RXRG: variants seen among roughly 807,000 people sequenced by gnomAD.
RXRG encodes retinoid X receptor gamma.
Under a neutral mutation model 49.2 loss-of-function variants are expected in RXRG, and 19 were observed. The observed-to-expected ratio is 0.39, with a 90% CI of 0.27 to 0.57. The LOEUF is 0.57. RXRG is among the 20% of genes least tolerant of loss of function. The pLI, the probability that RXRG is intolerant of heterozygous loss-of-function variation, is 0.64. For synonymous variants in RXRG, 224 were observed against 216.6 expected (o/e 1.03, Z -0.30); for missense variants, 452 against 592.5 (o/e 0.76, Z 2.46).
Position 165,401,258 on chromosome 1 carries a change from G to A in RXRG, c.*5C>T. 5 of 1,613,926 alleles carry A rather than the reference G, an allele frequency of 3.1e-6. No homozygotes were observed. The highest frequency in any genetic ancestry group is 4.2e-6 in the Non-Finnish European group (5 of 1,179,914). On this transcript the variant is annotated 3_prime_UTR_variant, in exon 10 of 10. Coordinates refer to ENST00000359842, the MANE Select transcript of RXRG (RefSeq NM_006917.5). ...CCTGGGTGGGGAGGCTGTGGCTGGT[G>A]GGGCTCAGGTGATCTGCAGCGGGGT...
chr1:165,428,234 T>C (rs963672600), intron 2 of RXRG, among the ~76,000 whole-genome samples: 1 of 152,216 alleles, frequency 6.6e-6, no homozygotes, highest in African/African-American at 2.4e-5. Context: ...AGAGACAGCA[T>C]AGCATGTAAT....
rs34676879 is a variant in RXRG at position 165,421,529 on chromosome 1, C to CT, written c.298-1516dup. Among the ~76,000 whole-genome samples, 442 of 131,406 alleles carry CT rather than the reference C, an allele frequency of 3.4e-3. 2 individuals are homozygous for CT. Among genetic ancestry groups the CT allele is most frequent in the African/African-American group, 0.012 (415 of 35,416 alleles). The allele number at this position is 131,406 out of a possible 152,430, so 86.2% of individuals were successfully genotyped here. A position where few individuals can be genotyped will look rare whatever the true frequency, so the allele number is the denominator to read the frequency against. ...AGGTAGGGCCTTGGCTCTGGCATTT[C>CT]TTTTTTTTTTTTTTTTCCTTTTTTT... On this transcript the variant is annotated intron_variant, in intron 2 of 9. Coordinates refer to ENST00000359842, the MANE Select transcript of RXRG (RefSeq NM_006917.5).
intron 2 of RXRG, among the ~76,000 whole-genome samples, chr1:165,427,420 TTTTG>T (rs1658522314): frequency 1.3e-5 from 1 of 78,084 alleles, no homozygotes; most frequent in Admixed American, 1.2e-4. Context: ...TTTTGTTTTG[TTTTG>T]TTTTGTTTTG....
At chr1:165,414,951 G>A (rs1409464350) in intron 4 of RXRG, among the ~76,000 whole-genome samples, 1 of 152,150 alleles carries the variant, frequency 6.6e-6, no homozygotes, top group Non-Finnish European at 1.5e-5. Flanking sequence ...TTATTAAATG[G>A]CTACAATGTA....
In RXRG at chr1:165,418,208, C is replaced by G. The variant is rs369451226; in HGVS notation, c.443-988G>C. Among the ~76,000 whole-genome samples, 14 of 150,660 alleles carry G rather than the reference C, an allele frequency of 9.3e-5. No homozygotes were observed. The East Asian group carries it at 9.8e-4, about 11-fold the overall frequency. ...TGCCCTTATTACCTGTCCACACATG[C>G]AGTTTTCAATTACCCCAGGCAGGGG... On this transcript the variant is annotated intron_variant, in intron 3 of 9. Transcript: ENST00000359842.
At chr1:165,442,284 G>A (rs765167294) in intron 1 of RXRG, among the ~76,000 whole-genome samples, 2 of 152,166 alleles carry the variant, frequency 1.3e-5, no homozygotes, top group African/African-American at 2.4e-5. Flanking sequence ...CCCTGCAGAC[G>A]GGGGCAGAGT....
Position 165,400,924 on chromosome 1 carries a change from C to T in RXRG, c.*339G>A. The T allele has an allele frequency of 4.7e-6, 1 of 211,228 alleles. No homozygotes were observed. Among genetic ancestry groups the T allele is most frequent in the Non-Finnish European group, 9.3e-6 (1 of 107,808 alleles). The allele number at this position is 211,228 out of a possible 1,614,324, so 13.1% of individuals were successfully genotyped here. On this transcript the variant is annotated 3_prime_UTR_variant, in exon 10 of 10. Transcript: ENST00000359842. Reference sequence around the variant, plus strand: ...TAACACACCCCATGCTCCAGCAGTGCCAATTTCACACATATTATTTTATTA... The same window carrying T: ...TAACACACCCCATGCTCCAGCAGTGTCAATTTCACACATATTATTTTATTA...
At chr1:165,411,941 A>T (rs1447812190) in intron 4 of RXRG, among the ~76,000 whole-genome samples, 1 of 152,186 alleles carries the variant, frequency 6.6e-6, no homozygotes, top group African/African-American at 2.4e-5. Context: ...CATCTTATTC[A>T]CAGCAGCAAT....
At chr1:165,423,564 C>G in intron 2 of RXRG, among the ~76,000 whole-genome samples, 1 of 152,200 alleles carries the variant, frequency 6.6e-6, no homozygotes. Context: ...CAGCCTTAAT[C>G]TAGCTAAGGC....
At chr1:165,401,997 C>T (rs1382553425) in intron 9 of RXRG, among the ~76,000 whole-genome samples, 4 of 152,260 alleles carry the variant, frequency 2.6e-5, no homozygotes, top group African/African-American at 9.6e-5. Context: ...ATCCTCTCAC[C>T]TCAGCCTCCC....
At chr1:165,441,208 C>A (rs890485584) in intron 1 of RXRG, among the ~76,000 whole-genome samples, 1 of 152,250 alleles carries the variant, frequency 6.6e-6, no homozygotes, top group Non-Finnish European at 1.5e-5. Context: ...AGGGAAGCCA[C>A]CAATTAATTC....
chr1:165,413,035 C>T (rs1442496301), intron 4 of RXRG, among the ~76,000 whole-genome samples: 1 of 152,174 alleles, frequency 6.6e-6, no homozygotes, highest in Non-Finnish European at 1.5e-5. Context: ...GGAAAATAAC[C>T]TTCAAGCTTC....
At chr1:165,430,053 G>A (rs1658622362) in intron 1 of RXRG, among the ~76,000 whole-genome samples, 1 of 152,198 alleles carries the variant, frequency 6.6e-6, no homozygotes, top group Non-Finnish European at 1.5e-5. Context: ...AAGAACAGAT[G>A]TGAAGAAGCC....
intron 1 of RXRG, among the ~76,000 whole-genome samples, chr1:165,433,094 T>G: frequency 6.6e-6 from 1 of 151,960 alleles, no homozygotes; most frequent in South Asian, 2.1e-4. Context: ...ATGCACAATT[T>G]GTCCATTTTT....
intron 1 of RXRG, among the ~76,000 whole-genome samples, chr1:165,429,319 G>A (rs903915087): frequency 3.3e-5 from 5 of 152,192 alleles, no homozygotes; most frequent in African/African-American, 7.2e-5. Context: ...GCCAGGGAAG[G>A]TGAGTCTATA....
intron 9 of RXRG, among the ~76,000 whole-genome samples, chr1:165,406,015 C>A (rs1657735653): frequency 6.6e-6 from 1 of 152,238 alleles, no homozygotes. Flanking sequence ...TTAATGTCTT[C>A]AAGACAGGCT....
At chr1:165,423,604 C>T (rs1658392656) in intron 2 of RXRG, among the ~76,000 whole-genome samples, 1 of 151,838 alleles carries the variant, frequency 6.6e-6, no homozygotes, top group South Asian at 2.1e-4. Flanking sequence ...AAGCCTGGAC[C>T]TCCAACATGG....
intron 1 of RXRG, chr1:165,436,921 A>T (rs1361235343): frequency 8.1e-6 from 9 of 1,110,048 alleles, no homozygotes; most frequent in Non-Finnish European, 1.0e-5. Flanking sequence ...CAAACTTGAA[A>T]AGTGGAAAAG....
intron 9 of RXRG, among the ~76,000 whole-genome samples, chr1:165,401,806 C>T (rs1571259774): frequency 3.3e-5 from 5 of 152,228 alleles, no homozygotes; most frequent in South Asian, 4.1e-4. Flanking sequence ...TAGAGCCAAG[C>T]GTGAGACACT....
Sources: allele counts gnomAD v4.1 joint callset (sites outside exome capture counted in the v4.1 genomes callset), GRCh38; gene constraint gnomAD v4.1.1; transcripts MANE v1.5; gene names NCBI Gene and HGNC (gene_info 2026-07-23, HGNC 2026-07-21).